PCDH15: variants seen among roughly 807,000 people sequenced by gnomAD.
PCDH15 encodes protocadherin-15.
In PCDH15, 129 loss-of-function variants were observed where a neutral mutation model predicts 178.5. The observed-to-expected ratio is 0.72, with a 90% confidence interval of 0.63 to 0.84. PCDH15 has a LOEUF of 0.84. Ranked by LOEUF, PCDH15 falls within the 40% of genes least tolerant of loss-of-function variation. The pLI is 0.00. For missense variants in PCDH15, 2,230 were observed against 2,099.9 expected (o/e 1.06, Z -1.21); for synonymous variants, 800 against 732.0 (o/e 1.09, Z -1.50).
At chr10:55,223,993 T>C (rs918132771) in intron 1 of PCDH15, among the ~76,000 whole-genome samples, 1 of 152,056 alleles carries the variant, frequency 6.6e-6, no homozygotes, top group African/African-American at 2.4e-5. Context: ...GGCTCACGCC[T>C]GTAATCGCAG....
intron 1 of PCDH15, among the ~76,000 whole-genome samples, chr10:55,242,826 C>A (rs556792249): frequency 6.6e-6 from 1 of 151,966 alleles, no homozygotes; most frequent in Non-Finnish European, 1.5e-5. Flanking sequence ...GGCAACAGAG[C>A]GAAACTCTGT....
At chr10:54,527,927 CAA>C (rs1224644706) in intron 2 of PCDH15, 50 bp from the exon 3 acceptor site, 1 of 1,458,062 alleles carries the variant, frequency 6.9e-7, no homozygotes. Context: ...GGGGCACACA[CAA>C]TGAGAAAAAA....
chr10:54,297,726 C>T (rs2059892410), intron 8 of PCDH15, among the ~76,000 whole-genome samples: 1 of 152,134 alleles, frequency 6.6e-6, no homozygotes, highest in Admixed American at 6.5e-5. Flanking sequence ...TCCCCTTCTC[C>T]CTCTCCGATT....
rs1011548153 is a variant in PCDH15 at position 54,989,419 on chromosome 10, T to C, written c.-79-91919A>G. On this transcript the variant is annotated intron_variant, in intron 2 of 5. Transcript: ENST00000458638. ...ACCACACACACTAAATGCCAGGACATGAAAGCAGCCAGAAGGCAGGAGGCT... is the reference window on the plus strand; with the variant it reads ...ACCACACACACTAAATGCCAGGACACGAAAGCAGCCAGAAGGCAGGAGGCT... Among the ~76,000 whole-genome samples the C allele has an allele frequency of 1.2e-4, 19 of 152,256 alleles. No individual in the cohort carries two copies. The East Asian group carries it at 3.7e-3, about 29-fold the overall frequency.
At chr10:54,612,932 CATAAG>C (rs1161125288) in intron 2 of PCDH15, among the ~76,000 whole-genome samples, 4 of 151,440 alleles carry the variant, frequency 2.6e-5, no homozygotes, top group Admixed American at 6.6e-5. Context: ...TAGATGAATA[CATAAG>C]ATAATAAATG....
At chr10:55,350,486 A>G (rs981683972) in intron 2 of PCDH15, among the ~76,000 whole-genome samples, 5 of 151,832 alleles carry the variant, frequency 3.3e-5, no homozygotes, top group Admixed American at 2.6e-4. Context: ...ATAGATAAAT[A>G]GATTATTATG....
At chr10:55,119,941 C>T (rs879556592) in intron 2 of PCDH15, among the ~76,000 whole-genome samples, 3 of 151,382 alleles carry the variant, frequency 2.0e-5, no homozygotes, top group African/African-American at 4.9e-5. Flanking sequence ...TGCAAGAAAG[C>T]CACTGTGAAG....
At chr10:54,529,227 T>C (rs2083670835) in intron 2 of PCDH15, among the ~76,000 whole-genome samples, 1 of 152,032 alleles carries the variant, frequency 6.6e-6, no homozygotes, top group Non-Finnish European at 1.5e-5. Context: ...TTTACACTTG[T>C]CAATATTGAA....
intron 2 of PCDH15, among the ~76,000 whole-genome samples, chr10:55,041,446 T>C (rs1259706800): frequency 1.3e-5 from 2 of 152,144 alleles, no homozygotes; most frequent in African/African-American, 4.8e-5. Context: ...TGAAATTGCA[T>C]TGGTTAAGTG....
intron 2 of PCDH15, among the ~76,000 whole-genome samples, chr10:55,026,608 C>T (rs1840481385): frequency 6.6e-6 from 1 of 151,608 alleles, no homozygotes; most frequent in Non-Finnish European, 1.5e-5. Flanking sequence ...TGGACCTGGG[C>T]CAGGAAAATA....
In PCDH15 at chr10:55,261,467, G is replaced by A. The variant is rs369292663; in HGVS notation, c.-156+58132C>T. Among the ~76,000 whole-genome samples, 118 of 152,184 alleles carry A rather than the reference G, an allele frequency of 7.8e-4. 2 individuals carry two copies. In the South Asian group the frequency reaches 0.023, roughly 30 times the overall value. ...AAAACATTTGATGTCTCAGGTGAAC[G>A]CCTGCTACCCCCAGATTCACTATGT... On this transcript the variant is annotated intron_variant, in intron 1 of 5. Transcript: ENST00000458638.
chr10:54,453,141 C>T (rs2226128), intron 3 of PCDH15, among the ~76,000 whole-genome samples: 64,441 of 151,678 alleles, frequency 0.42, 14,837 homozygotes, highest in Middle Eastern at 0.56. Context: ...TTGACCCAGC[C>T]ATCCCATTAC....
chr10:54,813,882 C>T (rs576347108), intron 3 of PCDH15, among the ~76,000 whole-genome samples: 2 of 152,112 alleles, frequency 1.3e-5, no homozygotes, highest in Non-Finnish European at 2.9e-5. Context: ...CCTCATACTT[C>T]TTTTCAAAAT....
intron 5 of PCDH15, among the ~76,000 whole-genome samples, chr10:54,359,259 TA>T (rs903493253): frequency 8.1e-5 from 12 of 148,674 alleles, no homozygotes; most frequent in African/African-American, 3.1e-4. Flanking sequence ...AATAAACCTT[TA>T]AAAAACTAAA....
At chr10:55,374,031 T>C (rs1275371615) in intron 2 of PCDH15, among the ~76,000 whole-genome samples, 1 of 151,456 alleles carries the variant, frequency 6.6e-6, no homozygotes, top group Non-Finnish European at 1.5e-5. Flanking sequence ...CATGCATGTG[T>C]ATACCTATGT....
intron 2 of PCDH15, among the ~76,000 whole-genome samples, chr10:55,453,324 ATT>A (rs1253490638): frequency 6.6e-6 from 1 of 152,138 alleles, no homozygotes; most frequent in Non-Finnish European, 1.5e-5. Context: ...ACAATAAAAT[ATT>A]GTTTTCTTAC....
intron 2 of PCDH15, among the ~76,000 whole-genome samples, chr10:55,093,629 T>C (rs1842372217): frequency 6.6e-6 from 1 of 152,178 alleles, no homozygotes; most frequent in African/African-American, 2.4e-5. Context: ...TTTAAGTCTT[T>C]AATCCATCTT....
At chr10:55,485,009 G>C (rs1840267190) in intron 2 of PCDH15, among the ~76,000 whole-genome samples, 1 of 151,616 alleles carries the variant, frequency 6.6e-6, no homozygotes, top group Admixed American at 6.6e-5. Flanking sequence ...CAAAAGAATA[G>C]GCAACAAAAG....
intron 2 of PCDH15, among the ~76,000 whole-genome samples, chr10:54,560,848 T>C (rs1362981488): frequency 3.3e-5 from 5 of 152,094 alleles, no homozygotes; most frequent in Non-Finnish European, 7.4e-5. Context: ...TGTTAAGTTT[T>C]TCAAAATTGA....
Sources: allele counts gnomAD v4.1 joint callset (sites outside exome capture counted in the v4.1 genomes callset), GRCh38; gene constraint gnomAD v4.1.1; transcripts MANE v1.5; gene names NCBI Gene and HGNC (gene_info 2026-07-23, HGNC 2026-07-21).